Variants in PAPPA2 observed in about 807,000 individuals in gnomAD.
PAPPA2 encodes the protein pappalysin 2, also known as pappalysin-2.
A neutral mutation model predicts 176.4 loss-of-function variants in PAPPA2; 86 were observed. The observed-to-expected ratio is 0.49, with a 90% CI of 0.41 to 0.58. The LOEUF is 0.58. Ranked by LOEUF, PAPPA2 falls within the 20% of genes least tolerant of loss-of-function variation. PAPPA2 has a pLI of 0.00. For missense variants in PAPPA2, 2,073 were observed against 2,256.9 expected, an observed-to-expected ratio of 0.92 and a Z score of 1.65; for synonymous variants, 809 against 852.2, an observed-to-expected ratio of 0.95 and a Z score of 0.88.
chr1:176,594,496 C>G lies in PAPPA2; in HGVS notation c.920-28C>G, dbSNP rs749834028. 5.7e-6 allele frequency: 9 copies of G among 1,578,054 alleles called. No individual in the cohort carries two copies. In the East Asian group the frequency reaches 2.0e-4, roughly 35 times the overall value. On this transcript the variant is annotated intron_variant, in intron 2 of 22. Coordinates refer to ENST00000367662, the MANE Select transcript of PAPPA2 (RefSeq NM_020318.3). ...TCCCCTTTGTATCTGGTATCTGTCTCTTCCCTCGATTCTTCCTTCTTTCCC... is the reference window on the plus strand; with the variant it reads ...TCCCCTTTGTATCTGGTATCTGTCTGTTCCCTCGATTCTTCCTTCTTTCCC...
At chr1:176,704,365 G>T (rs1393894179) in intron 9 of PAPPA2, among the ~76,000 whole-genome samples, 1 of 152,136 alleles carries the variant, frequency 6.6e-6, no homozygotes, top group Non-Finnish European at 1.5e-5. Flanking sequence ...CACATTACAC[G>T]TAAAACAAGA....
intron 2 of PAPPA2, among the ~76,000 whole-genome samples, chr1:176,557,937 C>T (rs1446391741): frequency 6.6e-6 from 1 of 152,204 alleles, no homozygotes; most frequent in Non-Finnish European, 1.5e-5. Context: ...CTTTTTATAA[C>T]TCCATGATTT....
At chr1:176,757,239 G>A (rs1663473487) in intron 14 of PAPPA2, among the ~76,000 whole-genome samples, 1 of 152,138 alleles carries the variant, frequency 6.6e-6, no homozygotes, top group South Asian at 2.1e-4. Context: ...GGATTGCTGG[G>A]TCAAATGGTA....
intron 1 of PAPPA2, among the ~76,000 whole-genome samples, chr1:176,503,162 C>T (rs113092436): frequency 2.6e-5 from 4 of 152,208 alleles, no homozygotes; most frequent in African/African-American, 7.2e-5. Context: ...CTCCACCATC[C>T]AGACACTGTT....
intron 6 of PAPPA2, 95 bp from the exon 7 acceptor site, chr1:176,695,643 C>T: frequency 4.2e-6 from 6 of 1,421,148 alleles, no homozygotes; most frequent in Admixed American, 3.6e-5. Context: ...CCATCAACCC[C>T]TGCCCTCCCC....
Position 176,556,265 on chromosome 1 carries a change from A to T in PAPPA2, c.-58A>T, listed in dbSNP as rs1424292354. 2 of 1,536,854 alleles carry T rather than the reference A, an allele frequency of 1.3e-6. No homozygotes were observed. The highest frequency in any genetic ancestry group is 2.7e-5 in the African/African-American group (2 of 72,902). On this transcript the variant is annotated 5_prime_UTR_variant, in exon 2 of 23. Transcript: ENST00000367662. ...GCTGCCTCTTTCTCGTCTGCCCATC[A>T]CTCTGGTGTGGTACCCAGAAGTTGA...
chr1:176,693,098 A>AG (rs1341728760), intron 6 of PAPPA2, among the ~76,000 whole-genome samples: 3 of 152,186 alleles, frequency 2.0e-5, no homozygotes, highest in Admixed American at 2.0e-4. Flanking sequence ...ATAATTGGTG[A>AG]GGGATGGGAG....
chr1:176,500,593 A>G (rs1284829352), intron 1 of PAPPA2, among the ~76,000 whole-genome samples: 1 of 151,342 alleles, frequency 6.6e-6, no homozygotes, highest in Non-Finnish European at 1.5e-5. Flanking sequence ...TGAACTCTTT[A>G]CTGTTTGCAA....
In PAPPA2 at chr1:176,594,802, A is replaced by T; in HGVS notation, c.1198A>T (p.Met400Leu). The T allele has an allele frequency of 6.2e-7, 1 of 1,614,140 alleles. No individual in the cohort carries two copies. ...GTCTGGTCCCCTGAACAGCCCCTTC[A>T]TGGCATCTTGCCGCTCTTTGCTCCT... ...DQSGPLNSPFMASCRSLLLGG... is the reference protein window; with the variant it reads ...DQSGPLNSPFLASCRSLLLGG... The change falls in exon 3 of 23, where the codon ATG becomes TTG. Residue 400 changes from methionine to leucine, a missense_variant. By Grantham distance (15) the Met-to-Leu change is conservative (BLOSUM62 2). This residue lies in a region of PAPPA2 where 1,196 missense variants were observed against 1,330.4 expected (regional missense o/e 0.90). Transcript: ENST00000367662.
At chr1:176,664,410 C>T (rs567084277) in intron 3 of PAPPA2, among the ~76,000 whole-genome samples, 2 of 152,292 alleles carry the variant, frequency 1.3e-5, no homozygotes, top group South Asian at 4.1e-4. Flanking sequence ...TGTCTCTGAT[C>T]CTGTTTCCAT....
chr1:176,730,221 G>C (rs921187944), intron 12 of PAPPA2, among the ~76,000 whole-genome samples: 1 of 151,916 alleles, frequency 6.6e-6, no homozygotes, highest in Non-Finnish European at 1.5e-5. Flanking sequence ...AAATTTGGCA[G>C]AGCCTACCTG....
chr1:176,769,878 T>C, intron 16 of PAPPA2, 94 bp downstream of exon 16: 1 of 1,313,334 alleles, frequency 7.6e-7, no homozygotes, highest in Non-Finnish European at 1.0e-6. Flanking sequence ...CCCAACACCT[T>C]TCCTATTTGC....
chr1:176,682,455 GT>G (rs1160984537), intron 4 of PAPPA2, among the ~76,000 whole-genome samples: 1 of 152,006 alleles, frequency 6.6e-6, no homozygotes, highest in African/African-American at 2.4e-5. Flanking sequence ...ATTTTTGTTT[GT>G]TTTTATTGTT....
intron 1 of PAPPA2, among the ~76,000 whole-genome samples, chr1:176,501,827 C>T (rs1030881184): frequency 2.0e-5 from 3 of 152,152 alleles, no homozygotes; most frequent in Admixed American, 1.3e-4. Flanking sequence ...GGGGTGCTTC[C>T]ATCACAGCGA....
At chr1:176,725,725 C>G (rs905628665) in intron 12 of PAPPA2, among the ~76,000 whole-genome samples, 1 of 152,198 alleles carries the variant, frequency 6.6e-6, no homozygotes, top group Non-Finnish European at 1.5e-5. Flanking sequence ...CACACACTCA[C>G]GGGTTTAGTC....
At chr1:176,545,184 C>T (rs1351930549) in intron 1 of PAPPA2, among the ~76,000 whole-genome samples, 1 of 152,064 alleles carries the variant, frequency 6.6e-6, no homozygotes, top group Non-Finnish European at 1.5e-5. Context: ...ATAATCAGTC[C>T]CCAGTCTTAG....
At chr1:176,750,421 A>G (rs951558657) in intron 14 of PAPPA2, among the ~76,000 whole-genome samples, 3 of 152,144 alleles carry the variant, frequency 2.0e-5, no homozygotes, top group African/African-American at 4.8e-5. Flanking sequence ...GCTGGCCAAC[A>G]TGGTGAAACC....
intron 4 of PAPPA2, among the ~76,000 whole-genome samples, chr1:176,685,671 G>A (rs1229052928): frequency 1.3e-5 from 2 of 152,176 alleles, no homozygotes; most frequent in African/African-American, 4.8e-5. Flanking sequence ...CAGTCCCTCC[G>A]GCCCCCTCCT....
chr1:176,692,941 GC>G (rs1320761855), intron 6 of PAPPA2, among the ~76,000 whole-genome samples: 1 of 152,202 alleles, frequency 6.6e-6, no homozygotes, highest in African/African-American at 2.4e-5. Flanking sequence ...CTCTTGCCCT[GC>G]CACAACAGAC....
Sources: gnomAD v4.1 joint callset for allele counts (sites outside exome capture counted in the v4.1 genomes callset) on GRCh38, gnomAD v4.1.1 for gene constraint, gnomAD v4.1.1 regional missense constraint, MANE v1.5 for transcripts, NCBI Gene and HGNC (gene_info 2026-07-23, HGNC 2026-07-21) for gene names.